Variants in STK32B observed in about 807,000 individuals in gnomAD.
The protein encoded by STK32B is serine/threonine-protein kinase 32B.
In STK32B, 43 loss-of-function variants were observed where a neutral mutation model predicts 52.6. That is an observed-to-expected ratio of 0.82 (90% CI 0.64 to 1.05). The LOEUF is 1.05. Among genes scored for constraint, STK32B ranks in the 50% least tolerant of loss-of-function variants. STK32B has a pLI of 0.00. For missense variants in STK32B, 621 were observed against 534.6 expected, an observed-to-expected ratio of 1.16 and a Z score of -1.59; for synonymous variants, 238 against 204.3, an observed-to-expected ratio of 1.17 and a Z score of -1.41.
chr4:5,416,663 A>G (rs1712188793), intron 5 of STK32B, among the ~76,000 whole-genome samples, 182 bp from the exon 6 acceptor site: 1 of 152,244 alleles, frequency 6.6e-6, no homozygotes. Flanking sequence ...TAAGTTACCA[A>G]ATGAATTTAC....
chr4:5,382,486 T>C (rs1260369056), intron 4 of STK32B, among the ~76,000 whole-genome samples: 1 of 152,048 alleles, frequency 6.6e-6, no homozygotes, highest in African/African-American at 2.4e-5. Flanking sequence ...CTCTCATCTG[T>C]GTCCTCCTTC....
At chr4:5,296,160 C>G (rs977063805) in intron 3 of STK32B, among the ~76,000 whole-genome samples, 1 of 152,100 alleles carries the variant, frequency 6.6e-6, no homozygotes, top group South Asian at 2.1e-4. Flanking sequence ...TTTGCATTTG[C>G]TGAGGAGTGT....
chr4:5,311,770 A>G (rs887272004), intron 3 of STK32B, among the ~76,000 whole-genome samples: 23 of 152,114 alleles, frequency 1.5e-4, no homozygotes, highest in African/African-American at 5.6e-4. Flanking sequence ...TAAATAAATT[A>G]AATTCACAAT....
intron 11 of STK32B, among the ~76,000 whole-genome samples, chr4:5,494,440 C>T (rs1460819634): frequency 2.0e-5 from 3 of 151,916 alleles, no homozygotes; most frequent in East Asian, 3.9e-4. Context: ...AGATTTTCCT[C>T]CATCCCTTTA....
chr4:5,263,983 A>G (rs768670780), intron 3 of STK32B, among the ~76,000 whole-genome samples: 32 of 152,194 alleles, frequency 2.1e-4, no homozygotes, highest in Admixed American at 3.3e-4. Context: ...ATATCATTGT[A>G]TATAGGAGCA....
chr4:5,031,595 A>G, the STK32B span, among the ~76,000 whole-genome samples: 6 of 152,094 alleles, frequency 3.9e-5, no homozygotes, highest in Non-Finnish European at 7.4e-5. Flanking sequence ...TCTCCAAAAA[A>G]AAAAAGATAA....
chr4:5,499,344 A>G lies in STK32B; in HGVS notation c.*261A>G. On this transcript the variant is annotated 3_prime_UTR_variant, in exon 12 of 12. Coordinates refer to ENST00000282908, the MANE Select transcript of STK32B (RefSeq NM_018401.3). ...GTTAAACACTTCTGCCCCACTTCAAATTACAAGATTATGGGGAGAACCCAA... is the reference window on the plus strand; with the variant it reads ...GTTAAACACTTCTGCCCCACTTCAAGTTACAAGATTATGGGGAGAACCCAA... 1 of 393,272 alleles carries G rather than the reference A, an allele frequency of 2.5e-6. No individual in the cohort carries two copies. 24.4% of individuals were successfully genotyped at this position (393,272 alleles called of 1,614,324 possible).
chr4:5,148,285 T>C (rs2108842312), intron 2 of STK32B, among the ~76,000 whole-genome samples: 1 of 151,946 alleles, frequency 6.6e-6, no homozygotes, highest in East Asian at 1.9e-4. Flanking sequence ...CTTCTTTCTC[T>C]TATTTTCTTC....
chr4:5,360,397 G>A (rs1380476961), intron 4 of STK32B, among the ~76,000 whole-genome samples: 1 of 152,100 alleles, frequency 6.6e-6, no homozygotes, highest in Non-Finnish European at 1.5e-5. Flanking sequence ...ACAGTGCCAA[G>A]TGCTTTGAGA....
chr4:5,384,323 G>A (rs891021574), intron 4 of STK32B, among the ~76,000 whole-genome samples: 4 of 152,178 alleles, frequency 2.6e-5, no homozygotes, highest in Admixed American at 2.0e-4. Context: ...TGCTCTGCAG[G>A]TAGAAGCAGC....
chr4:5,213,578 T>A (rs16836869), intron 3 of STK32B, among the ~76,000 whole-genome samples: 9,964 of 152,280 alleles, frequency 0.065, 572 homozygotes, highest in Admixed American at 0.17. Context: ...TGAACACGGT[T>A]TGGGTGGCTT....
At chr4:5,308,472 ATTTATT>A (rs1372480661) in intron 3 of STK32B, among the ~76,000 whole-genome samples, 2 of 121,316 alleles carry the variant, frequency 1.6e-5, no homozygotes, top group Non-Finnish European at 3.4e-5. Context: ...TTAGTAAAAT[ATTTATT>A]TTTGTGTATT....
chr4:5,191,883 C>G (rs182640427), intron 3 of STK32B, among the ~76,000 whole-genome samples: 16 of 152,368 alleles, frequency 1.1e-4, no homozygotes, highest in Admixed American at 3.3e-4. Context: ...ATATTAACTA[C>G]TGTGCTCCCA....
At chr4:5,351,920 C>T (rs747010611) in intron 4 of STK32B, among the ~76,000 whole-genome samples, 1 of 151,946 alleles carries the variant, frequency 6.6e-6, no homozygotes, top group Non-Finnish European at 1.5e-5. Context: ...AAAACCTGGG[C>T]AGACCAACAG....
chr4:5,338,528 A>G (rs1423243777), intron 4 of STK32B, among the ~76,000 whole-genome samples: 2 of 152,178 alleles, frequency 1.3e-5, no homozygotes, highest in African/African-American at 2.4e-5. Context: ...TTCATGAACT[A>G]GAGTGCAATA....
chr4:5,350,932 T>C (rs1733783661), intron 4 of STK32B, among the ~76,000 whole-genome samples: 1 of 151,992 alleles, frequency 6.6e-6, no homozygotes, highest in African/African-American at 2.4e-5. Context: ...TATAAACATA[T>C]ATGCACCCAA....
At chr4:5,184,506 G>A (rs746872138) in intron 3 of STK32B, among the ~76,000 whole-genome samples, 14 of 151,964 alleles carry the variant, frequency 9.2e-5, no homozygotes, top group Non-Finnish European at 1.5e-4. Flanking sequence ...TGGCCAACAT[G>A]GTGAAACCCT....
intron 1 of STK32B, among the ~76,000 whole-genome samples, chr4:5,057,260 G>C (rs1368859805): frequency 6.6e-6 from 1 of 152,198 alleles, no homozygotes; most frequent in Non-Finnish European, 1.5e-5. Flanking sequence ...GACCAGAATG[G>C]CCTTCCTACT....
intron 3 of STK32B, among the ~76,000 whole-genome samples, chr4:5,208,753 C>T (rs1448448557): frequency 3.3e-5 from 5 of 152,112 alleles, no homozygotes; most frequent in East Asian, 1.9e-4. Context: ...ATTCAATGAT[C>T]GCCCCATGGT....
Sources: gnomAD v4.1 joint callset for allele counts (sites outside exome capture counted in the v4.1 genomes callset) on GRCh38, gnomAD v4.1.1 for gene constraint, MANE v1.5 for transcripts, NCBI Gene and HGNC (gene_info 2026-07-23, HGNC 2026-07-21) for gene names.